The following BCAS3 variants were observed in gnomAD, a reference collection of about 807,000 sequenced individuals.
The protein encoded by BCAS3 is BCAS3 microtubule associated cell migration factor, also known as BCAS4/BCAS3 fusion.
BCAS3 carries 53 observed loss-of-function variants against 116.1 expected under a neutral mutation model. That is an observed-to-expected ratio of 0.46 (90% CI 0.37 to 0.57). BCAS3 has a LOEUF of 0.57. Among genes scored for constraint, BCAS3 ranks in the 20% least tolerant of loss-of-function variants. The pLI is 0.00. For missense variants in BCAS3, 917 were observed against 1,165.4 expected (o/e 0.79, Z 3.10); for synonymous variants, 391 against 408.2 (o/e 0.96, Z 0.51).
intron 6 of BCAS3, among the ~76,000 whole-genome samples, chr17:60,805,970 C>A (rs2048240228): frequency 6.7e-6 from 1 of 148,984 alleles, no homozygotes; most frequent in Non-Finnish European, 1.5e-5. Flanking sequence ...TCAAGCTAGT[C>A]TGCCTCAGCC....
At chr17:61,175,337 T>A (rs2079074471) in intron 22 of BCAS3, among the ~76,000 whole-genome samples, 1 of 151,090 alleles carries the variant, frequency 6.6e-6, no homozygotes, top group Admixed American at 6.6e-5. Flanking sequence ...AGTTTGAGGA[T>A]GCAGTGAGCT....
Position 61,217,687 on chromosome 17 carries a change from T to G in BCAS3, c.2425+133123T>G, listed in dbSNP as rs994832213. Reference sequence around the variant, plus strand: ...TTAGGTTTTCCAGACCTGATATCATTAGGCAGCTTCCTCTGACTAGTTGAT... The same window carrying G: ...TTAGGTTTTCCAGACCTGATATCATGAGGCAGCTTCCTCTGACTAGTTGAT... On this transcript the variant is annotated intron_variant, in intron 22 of 23. Transcript: ENST00000407086. This position sits in a 1 kb window ranked among gnomAD's most constrained non-coding sequence, Gnocchi z 5.2. Among the ~76,000 whole-genome samples the G allele has an allele frequency of 3.9e-4, 60 of 152,318 alleles. No individual in the cohort carries two copies. Among genetic ancestry groups the G allele is most frequent in the African/African-American group, 1.3e-3 (55 of 41,574 alleles).
At position 61,012,843 on chromosome 17, in the gene BCAS3, A is replaced by T. The variant is rs1260852883; in HGVS notation, c.1487-2908A>T. Among the ~76,000 whole-genome samples, 1 of 152,080 alleles carries T rather than the reference A, an allele frequency of 6.6e-6. No individual in the cohort carries two copies. Among genetic ancestry groups the T allele is most frequent in the South Asian group, 2.1e-4 (1 of 4,834 alleles). ...TCTCAGTGAATCACTTCATTTTCCT[A>T]GACCACTCCTTTTATCTGTCAAATT... On this transcript the variant is annotated intron_variant, in intron 15 of 23. Coordinates refer to ENST00000407086, the MANE Select transcript of BCAS3 (RefSeq NM_017679.5). The surrounding 1 kb of genome is among the most constrained non-coding windows in gnomAD (Gnocchi z 4.5).
chr17:61,258,511 A>C lies in BCAS3; in HGVS notation c.2426-109816A>C, dbSNP rs62069615. On this transcript the variant is annotated intron_variant, in intron 22 of 23. Transcript: ENST00000407086. The surrounding 1 kb of genome is among the most constrained non-coding windows in gnomAD (Gnocchi z 4.7). The stretch of plus-strand genomic sequence containing the variant: ...CCCTCTGAGCCTCTGTAAAATGTGA[A>C]TAATCATACCTACTTCATGGTATCG... Among the ~76,000 whole-genome samples the C allele has an allele frequency of 0.081, 12,269 of 152,348 alleles. 552 individuals carry two copies. The highest frequency in any genetic ancestry group is 0.13 in the Middle Eastern group (39 of 294).
intron 19 of BCAS3, among the ~76,000 whole-genome samples, chr17:61,057,899 T>C (rs1226723083): frequency 6.7e-6 from 1 of 150,152 alleles, no homozygotes; most frequent in Non-Finnish European, 1.5e-5. Context: ...TAGTTTTTCC[T>C]ATATGTTTTA....
intron 11 of BCAS3, among the ~76,000 whole-genome samples, chr17:60,905,687 G>A (rs970220013): frequency 2.6e-5 from 4 of 152,096 alleles, no homozygotes; most frequent in Non-Finnish European, 4.4e-5. Flanking sequence ...TTGAAGACGC[G>A]GACACACAAG....
chr17:60,880,880 A>G (rs1202404328), intron 9 of BCAS3, among the ~76,000 whole-genome samples: 1 of 152,120 alleles, frequency 6.6e-6, no homozygotes, highest in Non-Finnish European at 1.5e-5. Flanking sequence ...TATTCTAGAT[A>G]TGTCACTTAT....
At chr17:60,714,215 G>A (rs1217596020) in intron 5 of BCAS3, among the ~76,000 whole-genome samples, 2 of 152,140 alleles carry the variant, frequency 1.3e-5, no homozygotes, top group Non-Finnish European at 2.9e-5. Context: ...CAGTCCTCCT[G>A]CCGTGGCCTC....
rs1271397665 is a variant in BCAS3, at chr17:61,067,738, A to ATATATAT, written c.2030-7182_2030-7181insTATATAT. On this transcript the variant is annotated intron_variant, in intron 19 of 23. Transcript: ENST00000407086. The stretch of plus-strand genomic sequence containing the variant: ...TCAAACAAACAAACAAAAAAAAAAA[A>ATATATAT]AAATATATATATATATATAGAAACA... Among the ~76,000 whole-genome samples, 199 of 139,036 alleles carry ATATATAT rather than the reference A, an allele frequency of 1.4e-3. 2 individuals carry two copies. The highest frequency in any genetic ancestry group is 7.4e-3 in the Middle Eastern group (2 of 272). 91.2% of individuals were successfully genotyped at this position (139,036 alleles called of 152,430 possible).
Position 61,104,338 on chromosome 17 carries a change from T to C in BCAS3, c.2425+19774T>C, listed in dbSNP as rs958194745. ...TCTGCTTTTATTTTTTAAAAACTTT[T>C]TAAAAAAAGTTTTTCATATAACTTT... On this transcript the variant is annotated intron_variant, in intron 22 of 23. Coordinates refer to ENST00000407086, the MANE Select transcript of BCAS3 (RefSeq NM_017679.5). The surrounding 1 kb of genome is among the most constrained non-coding windows in gnomAD (Gnocchi z 4.1). Among the ~76,000 whole-genome samples the C allele has an allele frequency of 1.3e-5, 2 of 152,148 alleles. No homozygotes were observed. Among genetic ancestry groups the C allele is most frequent in the Non-Finnish European group, 2.9e-5 (2 of 68,022 alleles).
Position 61,333,606 on chromosome 17 carries a change from T to C in BCAS3, c.2426-34721T>C, listed in dbSNP as rs2056468822. 6.6e-6 allele frequency among the ~76,000 whole-genome samples: 1 copy of C among 151,326 alleles called. No homozygotes were observed. On this transcript the variant is annotated intron_variant, in intron 22 of 23. Coordinates refer to ENST00000407086, the MANE Select transcript of BCAS3 (RefSeq NM_017679.5). This position sits in a 1 kb window ranked among gnomAD's most constrained non-coding sequence, Gnocchi z 4.8. ...TAGCACTAGAGCTTTATCAAGTTCT[T>C]GAAACTTTCTTTTTTTTTCTTTTTT...
chr17:61,190,431 G>T (rs1481275544), intron 22 of BCAS3, among the ~76,000 whole-genome samples: 1 of 145,364 alleles, frequency 6.9e-6, no homozygotes, highest in Non-Finnish European at 1.5e-5. Context: ...GGATGCTGAG[G>T]CAGGAGAATC....
At chr17:60,953,618 G>A (rs917475310) in intron 14 of BCAS3, among the ~76,000 whole-genome samples, 16 of 151,994 alleles carry the variant, frequency 1.1e-4, no homozygotes, top group African/African-American at 3.4e-4. Flanking sequence ...TGCTTTTGGT[G>A]TCTTTGTCAT....
chr17:60,792,548 C>T (rs907524294), intron 6 of BCAS3, among the ~76,000 whole-genome samples: 1 of 152,168 alleles, frequency 6.6e-6, no homozygotes, highest in Non-Finnish European at 1.5e-5. Flanking sequence ...TTCCGGCTGG[C>T]GAAGTGACAC....
Position 61,056,550 on chromosome 17 carries a change from A to G in BCAS3, c.2029+15658A>G, listed in dbSNP as rs1400148197. On this transcript the variant is annotated intron_variant, in intron 19 of 23. Coordinates refer to ENST00000407086, the MANE Select transcript of BCAS3 (RefSeq NM_017679.5). The surrounding 1 kb of genome is among the most constrained non-coding windows in gnomAD (Gnocchi z 4.9). ...TTATAGATATTTTTTAAAGTTTAAG[A>G]TGCAGGCTTTGTATTAACAAAGCCC... is the stretch of plus-strand genomic sequence containing the variant. 6.6e-6 allele frequency among the ~76,000 whole-genome samples: 1 copy of G among 152,102 alleles called. No homozygotes were observed. Among genetic ancestry groups the G allele is most frequent in the Non-Finnish European group, 1.5e-5 (1 of 68,012 alleles).
rs115889319 is a variant in BCAS3 at position 61,300,416 on chromosome 17, A to C, written c.2426-67911A>C. 9.1e-3 allele frequency among the ~76,000 whole-genome samples: 1,379 copies of C among 152,292 alleles called. 29 individuals are homozygous for C. The highest frequency in any genetic ancestry group is 0.031 in the African/African-American group (1,307 of 41,548). ...CCTAAGCTCCCAGAAGGCATTACTC[A>C]GGTGACATTTGGGGAAGGAAATGAT... On this transcript the variant is annotated intron_variant, in intron 22 of 23. Transcript: ENST00000407086. This position sits in a 1 kb window ranked among gnomAD's most constrained non-coding sequence, Gnocchi z 5.1.
intron 10 of BCAS3, 102 bp downstream of exon 10, chr17:60,889,873 G>T: frequency 9.5e-7 from 1 of 1,056,270 alleles, no homozygotes; most frequent in Non-Finnish European, 1.4e-6. Context: ...AATAATAAAT[G>T]TTTTACTTAC....
intron 22 of BCAS3, among the ~76,000 whole-genome samples, chr17:61,318,271 G>A (rs926261907): frequency 2.6e-5 from 4 of 152,226 alleles, no homozygotes; most frequent in African/African-American, 9.6e-5. Flanking sequence ...TACAGGTGAC[G>A]TCCATCTAGG....
At chr17:60,697,477 G>T (rs1300489470) in intron 4 of BCAS3, among the ~76,000 whole-genome samples, 1 of 151,822 alleles carries the variant, frequency 6.6e-6, no homozygotes, top group East Asian at 1.9e-4. Flanking sequence ...CAGCTACTTG[G>T]GAGGCTGAGG....
Sources: allele counts gnomAD v4.1 joint callset (sites outside exome capture counted in the v4.1 genomes callset), GRCh38; gene constraint gnomAD v4.1.1; non-coding constraint Gnocchi (gnomAD v3.1); transcripts MANE v1.5; gene names NCBI Gene and HGNC (gene_info 2026-07-23, HGNC 2026-07-21).